The following TCF7L2 variants were observed in gnomAD, a reference collection of about 807,000 sequenced individuals.
TCF7L2 encodes transcription factor 7-like 2.
TCF7L2 carries 23 observed loss-of-function variants against 77.9 expected under a neutral mutation model. That is an observed-to-expected ratio of 0.30 (90% CI 0.21 to 0.42). The LOEUF (loss-of-function observed/expected upper bound fraction) is 0.42, where lower values mean the gene tolerates loss of function less well. TCF7L2 is among the 10% of genes least tolerant of loss of function. TCF7L2 has a pLI of 1.00. For synonymous variants in TCF7L2, 413 were observed against 340.2 expected (o/e 1.21, Z -2.36); for missense variants, 654 against 793.1 (o/e 0.82, Z 2.11).
intron 5 of TCF7L2, among the ~76,000 whole-genome samples, chr10:113,082,612 TGTGTGTGC>T (rs2059423180): frequency 6.6e-6 from 1 of 152,160 alleles, no homozygotes; most frequent in African/African-American, 2.4e-5. Context: ...TGTGTGTGTG[TGTGTGTGC>T]ACGTGCACAC....
intron 5 of TCF7L2, among the ~76,000 whole-genome samples, chr10:113,120,087 C>A (rs1391922565): frequency 1.3e-5 from 2 of 152,184 alleles, no homozygotes; most frequent in African/African-American, 4.8e-5. Flanking sequence ...AGAATTTCAT[C>A]GACTGATGAG....
At chr10:113,034,288 C>T (rs757608487) in intron 4 of TCF7L2, among the ~76,000 whole-genome samples, 2 of 152,288 alleles carry the variant, frequency 1.3e-5, no homozygotes, top group Non-Finnish European at 2.9e-5. Context: ...GGCTTCTGAT[C>T]GTCTTTCCTT....
At chr10:112,994,163 T>A (rs937781120) in intron 4 of TCF7L2, among the ~76,000 whole-genome samples, 6 of 152,160 alleles carry the variant, frequency 3.9e-5, no homozygotes, top group Admixed American at 3.3e-4. Flanking sequence ...CACAGATCTG[T>A]GCAGTCATCC....
rs951950988 is a variant in TCF7L2, at chr10:113,151,039, C to T, written c.917C>T (p.Thr306Met). The change falls in exon 9 of 14, where the codon ACG becomes ATG. Residue 306 changes from threonine to methionine, a missense_variant. By Grantham distance (81) the Thr-to-Met change is moderately conservative. This residue lies in a region of TCF7L2 where 179 missense variants were observed against 270.6 expected (regional missense o/e 0.66). Coordinates refer to ENST00000627217, the MANE Select transcript of TCF7L2 (RefSeq NM_001146274.2). The surrounding 1 kb of genome is among the most constrained non-coding windows in gnomAD (Gnocchi z 5.2). ...GTCCCACCACATCATACGCTACACA[C>T]GACGGGCATTCCGCATCCGGCCATA... The T allele has an allele frequency of 5.0e-6, 8 of 1,613,976 alleles. No homozygotes were observed. Among genetic ancestry groups the T allele is most frequent in the Non-Finnish European group, 6.8e-6 (8 of 1,180,026 alleles).
intron 4 of TCF7L2, among the ~76,000 whole-genome samples, chr10:112,966,514 C>T (rs1195822029): frequency 1.3e-5 from 2 of 151,980 alleles, no homozygotes; most frequent in Non-Finnish European, 2.9e-5. Flanking sequence ...TCTTGGTGAA[C>T]GGGTGGATGT....
intron 5 of TCF7L2, among the ~76,000 whole-genome samples, chr10:113,045,865 A>G (rs1248819854): frequency 6.6e-6 from 1 of 152,112 alleles, no homozygotes; most frequent in East Asian, 1.9e-4. Context: ...GAACTTTCCC[A>G]TTTCGCAGTC....
chr10:113,024,636 T>TTTTTA (rs756810997), intron 4 of TCF7L2, among the ~76,000 whole-genome samples: 1 of 144,558 alleles, frequency 6.9e-6, no homozygotes, highest in Non-Finnish European at 1.5e-5. Flanking sequence ...TTTTTTTTTT[T>TTTTTA]GAGACAGAGT....
At chr10:113,009,625 T>G (rs569160769) in intron 4 of TCF7L2, among the ~76,000 whole-genome samples, 1 of 152,328 alleles carries the variant, frequency 6.6e-6, no homozygotes, top group Non-Finnish European at 1.5e-5. Flanking sequence ...AGGGGGAATG[T>G]TACTGCTTGC....
At chr10:112,971,724 C>T (rs61875110) in intron 4 of TCF7L2, among the ~76,000 whole-genome samples, 60,640 of 150,356 alleles carry the variant, frequency 0.4, 16,347 homozygotes, top group African/African-American at 0.75. Context: ...GCAATTCTCC[C>T]GCCTCAGCCT....
chr10:113,023,926 G>A (rs2048668969), intron 4 of TCF7L2, among the ~76,000 whole-genome samples: 1 of 151,796 alleles, frequency 6.6e-6, no homozygotes, highest in Non-Finnish European at 1.5e-5. Context: ...CCAAAGTGCT[G>A]GGATTACAGG....
chr10:113,103,504 G>A (rs1046078707), intron 5 of TCF7L2, among the ~76,000 whole-genome samples: 2 of 152,182 alleles, frequency 1.3e-5, no homozygotes, highest in African/African-American at 4.8e-5. Flanking sequence ...TTGGTAGAAT[G>A]ATTAACAGGG....
intron 4 of TCF7L2, among the ~76,000 whole-genome samples, chr10:112,980,229 G>A (rs192408510): frequency 0.014 from 2,098 of 152,340 alleles, 24 homozygotes; most frequent in Admixed American, 0.022. Context: ...TCCGCTTTGC[G>A]GGTTAGAATG....
Position 112,951,544 on chromosome 10 carries a change from C to T in TCF7L2, c.318C>T (p.Ile106=), listed in dbSNP as rs1375729257. Residue 106 remains isoleucine (I), a synonymous_variant, in exon 3 of 14, where the codon ATC becomes ATT. Transcript: ENST00000627217. ...CACCGTATCCCGGCTACCCCTTCAT[C>T]ATGATCCCCGACCTGACGAGCCCCT... 2 of 1,421,876 alleles carry T rather than the reference C, an allele frequency of 1.4e-6. No individual in the cohort carries two copies. Among genetic ancestry groups the T allele is most frequent in the Non-Finnish European group, 1.9e-6 (2 of 1,064,104 alleles). 88.1% of individuals were successfully genotyped at this position (1,421,876 alleles called of 1,614,324 possible).
At position 112,950,302 on chromosome 10, in the gene TCF7L2, TTCTA is replaced by T. The variant is rs554405334; in HGVS notation, c.-451_-448del. On this transcript the variant is annotated 5_prime_UTR_variant, in exon 1 of 14. Coordinates refer to ENST00000627217, the MANE Select transcript of TCF7L2 (RefSeq NM_001146274.2). Reference sequence around the variant, plus strand: ...TTCCTCCGGATTTCGATCCCCCTTTTTCTATCTGTCAATCAGCGCCGCCTTTGAA... The same window carrying T: ...TTCCTCCGGATTTCGATCCCCCTTTTTCTGTCAATCAGCGCCGCCTTTGAA... 273 of 231,524 alleles carry T rather than the reference TTCTA, an allele frequency of 1.2e-3. No homozygotes were observed. Among genetic ancestry groups the T allele is most frequent in the African/African-American group, 5.7e-3 (253 of 44,526 alleles). The allele number at this position is 231,524 out of a possible 1,614,324, so 14.3% of individuals were successfully genotyped here.
chr10:113,021,786 G>A (rs964860515), intron 4 of TCF7L2, among the ~76,000 whole-genome samples: 1 of 152,224 alleles, frequency 6.6e-6, no homozygotes, highest in Non-Finnish European at 1.5e-5. Flanking sequence ...CTTGTTGACA[G>A]CGTGGACTTT....
rs1159117170 is a variant in TCF7L2, at chr10:113,160,644, G to A, written c.1344G>A (p.Arg448=). The change falls in exon 13 of 14, where the codon CGG becomes CGA. Residue 448 remains arginine, a synonymous_variant. Transcript: ENST00000627217. ...ATGCAAATACTCCAAAGAAGTGTCG[G>A]GCACTGTTCGGGCTTGACCGACAGA... The A allele has an allele frequency of 1.3e-6, 2 of 1,597,544 alleles. No individual in the cohort carries two copies. The highest frequency in any genetic ancestry group is 1.7e-6 in the Non-Finnish European group (2 of 1,171,706).
chr10:113,145,377 G>A (rs1035577814), intron 7 of TCF7L2, among the ~76,000 whole-genome samples: 1 of 152,146 alleles, frequency 6.6e-6, no homozygotes, highest in Admixed American at 6.5e-5. Context: ...CCCTCTGTCA[G>A]AAAAAGTTGT....
At chr10:113,032,675 G>A (rs965157577) in intron 4 of TCF7L2, among the ~76,000 whole-genome samples, 3 of 152,244 alleles carry the variant, frequency 2.0e-5, no homozygotes, top group East Asian at 3.9e-4. Context: ...AAACACATCC[G>A]GTATGCTGGA....
intron 4 of TCF7L2, among the ~76,000 whole-genome samples, 154 bp downstream of exon 4, chr10:112,964,778 A>ATGGTGGTGATGGTGGTGG (rs2036205661): frequency 7.5e-5 from 6 of 80,096 alleles, no homozygotes; most frequent in African/African-American, 3.4e-4. Flanking sequence ...GGTGGTGGTG[A>ATGGTGGTGATGGTGGTGG]TGGTGGTGGT....
Sources: gnomAD v4.1 joint callset for allele counts (sites outside exome capture counted in the v4.1 genomes callset) on GRCh38, gnomAD v4.1.1 for gene constraint, gnomAD v4.1.1 regional missense constraint, Gnocchi (gnomAD v3.1) non-coding constraint, MANE v1.5 for transcripts, NCBI Gene and HGNC (gene_info 2026-07-23, HGNC 2026-07-21) for gene names.